Variants in ADAMTSL1 observed in about 807,000 individuals in gnomAD.
ADAMTSL1 encodes the protein ADAMTS like 1.
ADAMTSL1 carries 126 observed loss-of-function variants against 201.8 expected under a neutral mutation model. The ratio of observed to expected loss-of-function variants is 0.62; its 90% CI spans 0.54 to 0.72. The LOEUF (loss-of-function observed/expected upper bound fraction) is 0.72. Among genes scored for constraint, ADAMTSL1 ranks in the 30% least tolerant of loss-of-function variants. The pLI is 0.00. For missense variants in ADAMTSL1, 2,679 were observed against 2,277.8 expected (o/e 1.18, Z -3.59); for synonymous variants, 1,121 against 903.4 (o/e 1.24, Z -4.32).
chr9:18,573,892 A>T (rs1214212617), intron 3 of ADAMTSL1, 138 bp from the exon 4 acceptor site: 10 of 658,564 alleles, frequency 1.5e-5, no homozygotes, highest in Non-Finnish European at 2.7e-5. Context: ...CTCTAAGATG[A>T]TATTATAAGT....
At chr9:18,437,427 C>G (rs1257397853) in intron 2 of ADAMTSL1, among the ~76,000 whole-genome samples, 1 of 152,126 alleles carries the variant, frequency 6.6e-6, no homozygotes, top group East Asian at 1.9e-4. Context: ...CTAGTCATGA[C>G]AGACTGCAGT....
At chr9:18,202,005 G>C (rs541762987) in intron 2 of ADAMTSL1, among the ~76,000 whole-genome samples, 4 of 152,204 alleles carry the variant, frequency 2.6e-5, no homozygotes, top group Admixed American at 1.3e-4. Context: ...TATTTTATAA[G>C]AGAATAATTC....
intron 4 of ADAMTSL1, among the ~76,000 whole-genome samples, chr9:18,604,463 T>C (rs888464145): frequency 6.0e-4 from 91 of 152,340 alleles, no homozygotes; most frequent in African/African-American, 2.0e-3. Flanking sequence ...CTATTTTCTT[T>C]CTCTATGAAT....
intron 2 of ADAMTSL1, among the ~76,000 whole-genome samples, chr9:18,428,412 T>C (rs866903772): frequency 6.7e-5 from 9 of 134,488 alleles, no homozygotes; most frequent in African/African-American, 2.5e-4. Flanking sequence ...AGCTTGGTAA[T>C]ATTGTGAGAC....
At chr9:18,084,993 G>A (rs1823679259) in intron 1 of ADAMTSL1, among the ~76,000 whole-genome samples, 2 of 152,122 alleles carry the variant, frequency 1.3e-5, no homozygotes, top group Non-Finnish European at 1.5e-5. Context: ...TCTGACATTT[G>A]AGCAAACCAT....
At chr9:18,832,313 G>T (rs187315999) in intron 23 of ADAMTSL1, among the ~76,000 whole-genome samples, 15 of 152,292 alleles carry the variant, frequency 9.8e-5, no homozygotes, top group Admixed American at 3.3e-4. Context: ...CACAGTGTGC[G>T]CTCTGGGTAT....
chr9:18,415,669 G>GA (rs200107320), intron 2 of ADAMTSL1, among the ~76,000 whole-genome samples: 4,233 of 145,972 alleles, frequency 0.029, 177 homozygotes, highest in African/African-American at 0.093. Context: ...TGAGTAAAAA[G>GA]AAAAAAAAAA....
At chr9:18,184,309 A>C (rs1284325450) in intron 2 of ADAMTSL1, among the ~76,000 whole-genome samples, 1 of 152,228 alleles carries the variant, frequency 6.6e-6, no homozygotes, top group Non-Finnish European at 1.5e-5. Flanking sequence ...CGTGCCTGGA[A>C]GAGGAAACTA....
rs1444339305 is a variant in ADAMTSL1, at chr9:18,681,699, G to GTGGGGTT, written c.1342-113_1342-112insTGGGGTT. ...TAAATTTACCAGGAGTCCTCGTGTG[G>GTGGGGTT]GGGGGGGGGGCGGGGAAAAAGAAAA... On this transcript the variant is annotated intron_variant, in intron 11 of 28. Transcript: ENST00000380548. 2 of 271,436 alleles carry GTGGGGTT rather than the reference G, an allele frequency of 7.4e-6. 1 individual carries two copies. Among genetic ancestry groups the GTGGGGTT allele is most frequent in the African/African-American group, 1.2e-4 (2 of 16,456 alleles). 16.8% of individuals were successfully genotyped at this position (271,436 alleles called of 1,614,324 possible). A position where few individuals can be genotyped will look rare whatever the true frequency, so the allele number is the denominator to read the frequency against.
chr9:18,619,848 G>A (rs112989535), intron 4 of ADAMTSL1, among the ~76,000 whole-genome samples: 9 of 152,144 alleles, frequency 5.9e-5, no homozygotes, highest in East Asian at 1.9e-4. Flanking sequence ...CAATGCCTGC[G>A]CTGTCCTTCC....
chr9:17,907,025 A>G (rs1331787770), intron 1 of ADAMTSL1: 1 of 152,582 alleles, frequency 6.6e-6, no homozygotes, highest in Non-Finnish European at 1.5e-5. Flanking sequence ...TCTTCCGCGA[A>G]GGTCCATCCT....
In ADAMTSL1 at chr9:18,669,076, TA is replaced by T. The variant is rs373342909; in HGVS notation, c.1086-6779del. 5.9e-3 allele frequency among the ~76,000 whole-genome samples: 905 copies of T among 152,318 alleles called. 6 individuals carry two copies. Among genetic ancestry groups the T allele is most frequent in the Non-Finnish European group, 9.4e-3 (637 of 68,030 alleles). ...GTCATCCTTGTTCTGCATAATGCCT[TA>T]AGCAACCTATGAGATCTGGTTCCAG... On this transcript the variant is annotated intron_variant, in intron 9 of 28. Transcript: ENST00000380548.
intron 2 of ADAMTSL1, among the ~76,000 whole-genome samples, chr9:18,332,700 G>T (rs1366508948): frequency 6.6e-6 from 1 of 152,128 alleles, no homozygotes; most frequent in African/African-American, 2.4e-5. Context: ...ACACAGTTAT[G>T]GTTATAAGTT....
chr9:18,669,105 C>T (rs1176461865), intron 9 of ADAMTSL1, among the ~76,000 whole-genome samples: 2 of 152,214 alleles, frequency 1.3e-5, no homozygotes, highest in Non-Finnish European at 2.9e-5. Flanking sequence ...GGTTCCAGCC[C>T]AACGTAGAAC....
chr9:18,510,390 A>G (rs916759215), intron 2 of ADAMTSL1, among the ~76,000 whole-genome samples: 2 of 152,218 alleles, frequency 1.3e-5, no homozygotes, highest in Non-Finnish European at 1.5e-5. Context: ...ACAAAGCAGA[A>G]TGAAAACACA....
intron 3 of ADAMTSL1, among the ~76,000 whole-genome samples, chr9:18,569,194 A>G (rs535050446): frequency 1.3e-5 from 2 of 152,242 alleles, no homozygotes; most frequent in Admixed American, 1.3e-4. Context: ...TATCTTTCCC[A>G]CTGGATAGTT....
At chr9:18,834,810 C>T (rs1825211362) in intron 23 of ADAMTSL1, among the ~76,000 whole-genome samples, 1 of 152,132 alleles carries the variant, frequency 6.6e-6, no homozygotes, top group South Asian at 2.1e-4. Context: ...ATCAACAGGG[C>T]ATTTCTATTG....
chr9:18,546,172 A>G (rs547963687), intron 3 of ADAMTSL1, among the ~76,000 whole-genome samples: 1 of 152,216 alleles, frequency 6.6e-6, no homozygotes, highest in East Asian at 1.9e-4. Context: ...GTTTGGCTAT[A>G]TTTTTCTTTA....
chr9:18,106,382 A>G lies in ADAMTSL1; in HGVS notation c.88-57480A>G, dbSNP rs558735482. Among the ~76,000 whole-genome samples, 190 of 152,312 alleles carry G rather than the reference A, an allele frequency of 1.2e-3. 1 individual carries two copies. Among genetic ancestry groups the G allele is most frequent in the African/African-American group, 4.2e-3 (174 of 41,566 alleles). The stretch of plus-strand genomic sequence containing the variant: ...TATAAAGTGAAAACCTATCATTTGT[A>G]AAGCTGCAAAGAGAGAGCTTTGTTT... On this transcript the variant is annotated intron_variant, in intron 1 of 29. Coordinates refer to the ADAMTSL1 transcript ENST00000680146.
Sources: allele counts gnomAD v4.1 joint callset (sites outside exome capture counted in the v4.1 genomes callset), GRCh38; gene constraint gnomAD v4.1.1; transcripts MANE v1.5; gene names NCBI Gene and HGNC (gene_info 2026-07-23, HGNC 2026-07-21).